The following SYTL5 variants were observed in gnomAD, a reference collection of about 807,000 sequenced individuals.
The protein encoded by SYTL5 is synaptotagmin-like protein 5.
Under a neutral mutation model 55.9 loss-of-function variants are expected in SYTL5, and 34 were observed. The ratio of observed to expected loss-of-function variants is 0.61; its 90% CI spans 0.46 to 0.81. SYTL5 has a LOEUF of 0.81. SYTL5 is among the 30% of genes least tolerant of loss of function. The probability of loss-of-function intolerance (pLI) is 0.00; values close to 1 mark genes in which losing one functional copy is unlikely to be tolerated. For missense variants in SYTL5, 637 were observed against 546.7 expected, an observed-to-expected ratio of 1.17 and a Z score of -1.65; for synonymous variants, 221 against 188.7, an observed-to-expected ratio of 1.17 and a Z score of -1.40.
chrX:37,930,082 G>A, the SYTL5 span, among the ~76,000 whole-genome samples: 1 of 111,153 alleles, frequency 9.0e-6, no homozygotes, highest in African/African-American at 3.3e-5. Context: ...AAAGGGTAAG[G>A]GCACCTATTA....
the SYTL5 span, among the ~76,000 whole-genome samples, chrX:37,918,549 G>A: frequency 8.9e-6 from 1 of 112,131 alleles, no homozygotes; most frequent in Admixed American, 9.5e-5. Context: ...GCTTATTTTT[G>A]TATGTCACTG....
At chrX:38,053,646 CT>C (rs1477455790) in intron 2 of SYTL5, among the ~76,000 whole-genome samples, 1 of 111,976 alleles carries the variant, frequency 8.9e-6, no homozygotes, top group Non-Finnish European at 1.9e-5. Flanking sequence ...TATTACTTTT[CT>C]TAAGTGCATG....
chrX:38,110,879 A>T (rs933315841), intron 13 of SYTL5, among the ~76,000 whole-genome samples: 4 of 111,944 alleles, frequency 3.6e-5, no homozygotes, highest in African/African-American at 9.7e-5. Context: ...TTATACCACA[A>T]ACAGGAGTGA....
At chrX:37,899,845 A>G in the SYTL5 span, among the ~76,000 whole-genome samples, 1 of 111,819 alleles carries the variant, frequency 8.9e-6, no homozygotes, top group African/African-American at 3.3e-5. Flanking sequence ...CCAAGATGTT[A>G]TAGAACTATC....
Position 38,033,831 on chromosome X carries a change from T to C in SYTL5, c.-59T>C. On this transcript the variant is annotated 5_prime_UTR_variant, in exon 2 of 17. Coordinates refer to ENST00000297875, the MANE Select transcript of SYTL5 (RefSeq NM_138780.3). The stretch of plus-strand genomic sequence containing the variant: ...TGGTTGGGGGAATCTTAGTTGTAGA[T>C]ATCAATTCACCTTCTTGAAGATTCA... 1 of 643,918 alleles carries C rather than the reference T, an allele frequency of 1.6e-6. No homozygotes were observed. Among genetic ancestry groups the C allele is most frequent in the Non-Finnish European group, 2.4e-6 (1 of 408,795 alleles). The allele number at this position is 643,918 out of a possible 1,213,427, so 53.1% of individuals were successfully genotyped here.
chrX:38,085,919 T>C (rs1471902913), intron 6 of SYTL5, among the ~76,000 whole-genome samples: 1 of 111,309 alleles, frequency 9.0e-6, no homozygotes, highest in Admixed American at 9.5e-5. Flanking sequence ...AACATGGTGC[T>C]GTGCTGAACC....
intron 1 of SYTL5, among the ~76,000 whole-genome samples, chrX:38,024,987 C>G (rs188047654): frequency 6.3e-5 from 7 of 111,803 alleles, no homozygotes; most frequent in African/African-American, 2.3e-4. Flanking sequence ...GTTTGGGGTT[C>G]GTTGTAAAAG....
chrX:37,915,232 T>C, the SYTL5 span, among the ~76,000 whole-genome samples: 26 of 111,785 alleles, frequency 2.3e-4, no homozygotes, highest in Non-Finnish European at 3.9e-4. Context: ...CATGACCTTT[T>C]TCTTTATACT....
chrX:38,056,592 G>A (rs1052921935), intron 3 of SYTL5, among the ~76,000 whole-genome samples: 1 of 111,802 alleles, frequency 8.9e-6, no homozygotes, highest in Non-Finnish European at 1.9e-5. Context: ...GTGTGTGAGA[G>A]TTCCTTTTCC....
intron 3 of SYTL5, among the ~76,000 whole-genome samples, chrX:38,064,028 A>T (rs1340180794): frequency 9.2e-6 from 1 of 108,925 alleles, no homozygotes; most frequent in Non-Finnish European, 1.9e-5. Context: ...ATTAAAAAAA[A>T]GTGGAGTAAA....
At chrX:38,020,383 C>G (rs1477848722) in intron 1 of SYTL5, among the ~76,000 whole-genome samples, 7 of 85,252 alleles carry the variant, frequency 8.2e-5, no homozygotes, top group Non-Finnish European at 1.6e-4. Context: ...CTCATTCTTT[C>G]TTCTATAATA....
At chrX:37,960,383 A>G in the SYTL5 span, among the ~76,000 whole-genome samples, 2 of 112,173 alleles carry the variant, frequency 1.8e-5, no homozygotes, top group African/African-American at 6.5e-5. Context: ...TTTTACTATA[A>G]GCTGTTAAAA....
rs1312942181 is a variant in SYTL5 at position 38,033,747 on chromosome X, A to G, written c.-143A>G. Reference sequence around the variant, plus strand: ...AAAGAATACTTAACTACCATACGCAATTCTGCAGAGACCTTGTAAAAATCA... The same window carrying G: ...AAAGAATACTTAACTACCATACGCAGTTCTGCAGAGACCTTGTAAAAATCA... On this transcript the variant is annotated 5_prime_UTR_variant, in exon 2 of 17. Coordinates refer to ENST00000297875, the MANE Select transcript of SYTL5 (RefSeq NM_138780.3). 1.8e-5 allele frequency: 7 copies of G among 382,351 alleles called. No individual in the cohort carries two copies. The South Asian group carries it at 3.0e-4, about 17-fold the overall frequency. 31.5% of individuals were successfully genotyped at this position (382,351 alleles called of 1,213,427 possible). A position where few individuals can be genotyped will look rare whatever the true frequency, so the allele number is the denominator to read the frequency against.
intron 1 of SYTL5, among the ~76,000 whole-genome samples, chrX:38,031,440 G>A (rs1222481257): frequency 9.0e-6 from 1 of 111,549 alleles, no homozygotes; most frequent in African/African-American, 3.3e-5. Flanking sequence ...CCTCCTCACA[G>A]GGCAGACTCT....
At chrX:37,892,544 GTA>G in the SYTL5 span, among the ~76,000 whole-genome samples, 3 of 95,879 alleles carry the variant, frequency 3.1e-5, no homozygotes, top group Non-Finnish European at 6.1e-5. Context: ...ATGTATATAT[GTA>G]TGTTATATAT....
chrX:37,902,624 G>A, the SYTL5 span, among the ~76,000 whole-genome samples: 2 of 111,215 alleles, frequency 1.8e-5, no homozygotes, highest in African/African-American at 6.5e-5. Context: ...CATCTTTCCT[G>A]GCAGGAACTG....
At chrX:38,030,534 A>G (rs1044843159) in intron 1 of SYTL5, among the ~76,000 whole-genome samples, 4 of 112,313 alleles carry the variant, frequency 3.6e-5, no homozygotes, top group Non-Finnish European at 7.5e-5. Flanking sequence ...CCAAATGGCC[A>G]ATATTCCTGT....
At chrX:38,101,989 A>G (rs1028415693) in intron 9 of SYTL5, among the ~76,000 whole-genome samples, 2 of 109,881 alleles carry the variant, frequency 1.8e-5, no homozygotes, top group Admixed American at 1.9e-4. Flanking sequence ...GTTTGCACAC[A>G]CACACAAATT....
intron 12 of SYTL5, among the ~76,000 whole-genome samples, 157 bp downstream of exon 12, chrX:38,108,856 C>T (rs968875263): frequency 1.8e-5 from 2 of 112,354 alleles, no homozygotes; most frequent in Non-Finnish European, 3.8e-5. Flanking sequence ...CTTGACTTTT[C>T]TAACATCTTT....
Sources: gnomAD v4.1 joint callset for allele counts (sites outside exome capture counted in the v4.1 genomes callset) on GRCh38, gnomAD v4.1.1 for gene constraint, MANE v1.5 for transcripts, NCBI Gene and HGNC (gene_info 2026-07-23, HGNC 2026-07-21) for gene names.